Variants in TNPO1 observed in about 807,000 individuals in gnomAD.
TNPO1 encodes transportin 1.
TNPO1 carries 8 observed loss-of-function variants against 119.5 expected under a neutral mutation model. The observed-to-expected ratio is 0.07, with a 90% confidence interval of 0.04 to 0.12. The LOEUF is 0.12. TNPO1 is among the 10% of genes least tolerant of loss of function. The pLI is 1.00. For synonymous variants in TNPO1, 362 were observed against 363.0 expected (o/e 1.00, Z 0.03); for missense variants, 576 against 1,089.8 (o/e 0.53, Z 6.64).
chr5:72,861,748 A>G, intron 4 of TNPO1, 60 bp from the exon 5 acceptor site: 1 of 1,203,790 alleles, frequency 8.3e-7, no homozygotes. Flanking sequence ...ACAGTTGCTC[A>G]CATGGCAATG....
intron 1 of TNPO1, among the ~76,000 whole-genome samples, chr5:72,832,947 A>C (rs1446525287): frequency 6.6e-6 from 1 of 152,166 alleles, no homozygotes; most frequent in East Asian, 1.9e-4. Context: ...AGAGACTTGC[A>C]TGTCAGCTCT....
At chr5:72,886,682 A>G (rs939750950) in intron 11 of TNPO1, among the ~76,000 whole-genome samples, 2 of 151,882 alleles carry the variant, frequency 1.3e-5, no homozygotes, top group African/African-American at 4.8e-5. Context: ...GTGGATCACG[A>G]GGTCAGGAGT....
At chr5:72,872,758 T>G in intron 7 of TNPO1, 38 bp downstream of exon 7, 1 of 752,944 alleles carries the variant, frequency 1.3e-6, no homozygotes, top group Non-Finnish European at 1.9e-6. Context: ...ACCCCCCAGC[T>G]TTTTTTTTTT....
intron 15 of TNPO1, among the ~76,000 whole-genome samples, chr5:72,892,282 CT>C (rs955472564): frequency 2.3e-4 from 34 of 148,054 alleles, no homozygotes; most frequent in African/African-American, 2.5e-4. Context: ...TACTTAACTA[CT>C]TTTTTTTTTA....
In TNPO1 at chr5:72,912,687, A is replaced by G. The variant is rs1750645623; in HGVS notation, c.*4014A>G. On this transcript the variant is annotated 3_prime_UTR_variant, in exon 25 of 25. Coordinates refer to ENST00000337273, the MANE Select transcript of TNPO1 (RefSeq NM_002270.4). ...GGTCGTCATTTTCTTCAAACTCTCA[A>G]AATAGGAAAGTGGAAATTTTTCTCC... 1 of 152,426 alleles carries G rather than the reference A, an allele frequency of 6.6e-6. No homozygotes were observed. Among genetic ancestry groups the G allele is most frequent in the Non-Finnish European group, 1.5e-5 (1 of 67,908 alleles). The allele number at this position is 152,426 out of a possible 1,614,324, so 9.4% of individuals were successfully genotyped here.
At chr5:72,894,651 A>AC in intron 18 of TNPO1, among the ~76,000 whole-genome samples, 1 of 152,338 alleles carries the variant, frequency 6.6e-6, no homozygotes, top group East Asian at 1.9e-4. Flanking sequence ...AGCCTGGGCA[A>AC]CAGAGCAAGA....
intron 6 of TNPO1, among the ~76,000 whole-genome samples, chr5:72,866,266 G>A (rs1382066764): frequency 6.6e-6 from 1 of 152,042 alleles, no homozygotes; most frequent in African/African-American, 2.4e-5. Flanking sequence ...CATATGTTTA[G>A]CTCCCACTTA....
intron 6 of TNPO1, among the ~76,000 whole-genome samples, chr5:72,866,803 A>C (rs965562340): frequency 1.3e-5 from 2 of 152,112 alleles, no homozygotes; most frequent in African/African-American, 2.4e-5. Context: ...GGTAATCGAT[A>C]CACCATTGCT....
At chr5:72,898,566 A>G (rs989189988) in intron 20 of TNPO1, among the ~76,000 whole-genome samples, 43 of 152,078 alleles carry the variant, frequency 2.8e-4, no homozygotes, top group African/African-American at 9.7e-4. Flanking sequence ...TATTAAAATC[A>G]TTGTCAATGG....
intron 6 of TNPO1, among the ~76,000 whole-genome samples, chr5:72,870,688 C>T (rs1028796143): frequency 2.0e-5 from 3 of 152,048 alleles, no homozygotes; most frequent in African/African-American, 7.2e-5. Flanking sequence ...AATGTAAGTC[C>T]TAACTGTTCC....
In TNPO1 at chr5:72,887,937, A is replaced by G. The variant is rs1229284409; in HGVS notation, c.1304-141A>G. The G allele has an allele frequency of 1.0e-5, 8 of 767,462 alleles. No homozygotes were observed. The African/African-American group carries it at 1.2e-4, about 12-fold the overall frequency. The allele number at this position is 767,462 out of a possible 1,614,324, so 47.5% of individuals were successfully genotyped here. A position where few individuals can be genotyped will look rare whatever the true frequency, so the allele number is the denominator to read the frequency against. On this transcript the variant is annotated intron_variant, in intron 12 of 24. Transcript: ENST00000337273. ...CTCTAACTTCAGGGTTTTAAAAATA[A>G]TTTTGGTATAGGTTATTGTAGTATG...
intron 1 of TNPO1, among the ~76,000 whole-genome samples, chr5:72,822,590 C>CTTTTTTTTT (rs766069525): frequency 7.5e-6 from 1 of 132,930 alleles, no homozygotes; most frequent in Non-Finnish European, 1.6e-5. Flanking sequence ...AAGTTCTACA[C>CTTTTTTTTT]TTTTTTTTTT....
Position 72,889,348 on chromosome 5 carries a change from G to A in TNPO1, c.1530-438G>A, listed in dbSNP as rs182121042. Among the ~76,000 whole-genome samples the A allele has an allele frequency of 3.5e-3, 530 of 152,212 alleles. 5 individuals are homozygous for A. Among genetic ancestry groups the A allele is most frequent in the Non-Finnish European group, 4.4e-3 (300 of 68,002 alleles). On this transcript the variant is annotated intron_variant, in intron 13 of 24. Coordinates refer to ENST00000337273, the MANE Select transcript of TNPO1 (RefSeq NM_002270.4). ...GCTGGGATTGCAGGCGTGAGCCACC[G>A]CGCCTGGCAGGGATAGTAAATTTGA...
rs1318989649 is a variant in TNPO1, at chr5:72,914,128, A to G, written c.*5455A>G. 13 of 152,620 alleles carry G rather than the reference A, an allele frequency of 8.5e-5. No individual in the cohort carries two copies. Among genetic ancestry groups the G allele is most frequent in the Non-Finnish European group, 1.5e-4 (10 of 68,006 alleles). The allele number at this position is 152,620 out of a possible 1,614,324, so 9.5% of individuals were successfully genotyped here. ...TGTCCTTCAAACATATCCTCCTGCAACTTCTCAAACTGTACTAAATTGATA... is the reference window on the plus strand; with the variant it reads ...TGTCCTTCAAACATATCCTCCTGCAGCTTCTCAAACTGTACTAAATTGATA... On this transcript the variant is annotated 3_prime_UTR_variant, in exon 25 of 25. Coordinates refer to ENST00000337273, the MANE Select transcript of TNPO1 (RefSeq NM_002270.4).
At chr5:72,859,119 C>T (rs1398455340) in intron 4 of TNPO1, among the ~76,000 whole-genome samples, 2 of 152,134 alleles carry the variant, frequency 1.3e-5, no homozygotes, top group Non-Finnish European at 2.9e-5. Flanking sequence ...CTAACCTTCA[C>T]AGAAAATTCT....
intron 11 of TNPO1, among the ~76,000 whole-genome samples, chr5:72,883,848 G>A (rs887507372): frequency 6.6e-6 from 1 of 151,964 alleles, no homozygotes; most frequent in Non-Finnish European, 1.5e-5. Context: ...GGGCTCTGGT[G>A]ATCCTCCCAC....
At chr5:72,848,153 G>A (rs456291) in intron 1 of TNPO1, 2 of 1,206,902 alleles carry the variant, frequency 1.7e-6, no homozygotes, top group East Asian at 4.0e-5. Context: ...GCGCTCGGCG[G>A]CCGCGGCGGC....
intron 3 of TNPO1, among the ~76,000 whole-genome samples, chr5:72,852,319 A>G (rs1745644143): frequency 6.6e-6 from 1 of 152,198 alleles, no homozygotes; most frequent in South Asian, 2.1e-4. Context: ...TTTCATAAAT[A>G]TTTATGGAGC....
At chr5:72,851,388 T>C (rs1422955224) in intron 3 of TNPO1, 69 bp downstream of exon 3, 13 of 943,358 alleles carry the variant, frequency 1.4e-5, no homozygotes, top group East Asian at 4.9e-5. Flanking sequence ...CTGAGAATTA[T>C]TCATTTCAAA....
Sources: allele counts gnomAD v4.1 joint callset (sites outside exome capture counted in the v4.1 genomes callset), GRCh38; gene constraint gnomAD v4.1.1; transcripts MANE v1.5; gene names NCBI Gene and HGNC (gene_info 2026-07-23, HGNC 2026-07-21).